Variants in RB1CC1 observed in about 807,000 individuals in gnomAD.
The protein encoded by RB1CC1 is RB1 inducible coiled-coil 1, also known as RB1-inducible coiled-coil protein 1.
Under a neutral mutation model 177.5 loss-of-function variants are expected in RB1CC1, and 46 were observed. The ratio of observed to expected loss-of-function variants is 0.26; its 90% CI spans 0.20 to 0.33. RB1CC1 has a LOEUF of 0.33. RB1CC1 is among the 10% of genes least tolerant of loss of function. The pLI, the probability that RB1CC1 is intolerant of heterozygous loss-of-function variation, is 1.00. For synonymous variants in RB1CC1, 666 were observed against 613.6 expected (o/e 1.09, Z -1.26); for missense variants, 1,703 against 1,816.3 (o/e 0.94, Z 1.13).
In RB1CC1 at chr8:52,674,092, T is replaced by C. The variant is rs1391449465; in HGVS notation, c.755A>G (p.Glu252Gly). 3 of 1,614,054 alleles carry C rather than the reference T, an allele frequency of 1.9e-6. No homozygotes were observed. The highest frequency in any genetic ancestry group is 2.2e-5 in the East Asian group (1 of 44,872). Residue 252 changes from glutamate to glycine, a missense_variant, in exon 7 of 24, where the codon GAA becomes GGA. Transcript: ENST00000025008. ...CTTGGGAAATGAGGTTAACAAAGAT[T>C]CGTTAGTTGTTCTAGGCATATCAGG... The part of the protein sequence containing the change: ...LSPDMPRTTN[E>G]SLLTSFPKSV...
intron 15 of RB1CC1, 66 bp downstream of exon 15, chr8:52,655,942 G>A (rs1325470343): frequency 3.2e-6 from 4 of 1,261,714 alleles, no homozygotes; most frequent in South Asian, 1.5e-5. Flanking sequence ...TCAAGGTACT[G>A]TGATTACACA....
intron 6 of RB1CC1, 34 bp from the exon 7 acceptor site, chr8:52,674,308 G>T: frequency 6.6e-7 from 1 of 1,507,138 alleles, no homozygotes; most frequent in South Asian, 1.1e-5. Context: ...GTAAAACTAT[G>T]AGACTGCTCT....
Position 52,686,961 on chromosome 8 carries a change from C to G in RB1CC1, c.-160G>C, listed in dbSNP as rs1325468800. On this transcript the variant is annotated 5_prime_UTR_variant, in exon 2 of 24. Coordinates refer to ENST00000025008, the MANE Select transcript of RB1CC1 (RefSeq NM_014781.5). ...ACTGAATGGCATTACTGGTTAAACT[C>G]AGAAAACTGGAAAAGAAAAATTTCT... 1.1e-5 allele frequency: 5 copies of G among 456,294 alleles called. No individual in the cohort carries two copies. The highest frequency in any genetic ancestry group is 2.2e-5 in the Non-Finnish European group (5 of 226,894). 28.3% of individuals were successfully genotyped at this position (456,294 alleles called of 1,614,324 possible).
rs1290258530 is a variant in RB1CC1, at chr8:52,683,530, A to G, written c.369+19T>C. 4 of 1,526,902 alleles carry G rather than the reference A, an allele frequency of 2.6e-6. No homozygotes were observed. Among genetic ancestry groups the G allele is most frequent in the Admixed American group, 2.2e-5 (1 of 46,308 alleles). 94.6% of individuals were successfully genotyped at this position (1,526,902 alleles called of 1,614,324 possible). A position where few individuals can be genotyped will look rare whatever the true frequency, so the allele number is the denominator to read the frequency against. On this transcript the variant is annotated intron_variant, in intron 5 of 23. Coordinates refer to ENST00000025008, the MANE Select transcript of RB1CC1 (RefSeq NM_014781.5). Reference sequence around the variant, plus strand: ...ATGCTTTTAGAAACAATCAGTTAAAATAATTGTTTATATCTTACCAATGCA... The same window carrying G: ...ATGCTTTTAGAAACAATCAGTTAAAGTAATTGTTTATATCTTACCAATGCA...
intron 16 of RB1CC1, among the ~76,000 whole-genome samples, chr8:52,643,982 G>T (rs139161949): frequency 6.6e-6 from 1 of 151,800 alleles, no homozygotes; most frequent in Admixed American, 6.6e-5. Flanking sequence ...CATACAGGAA[G>T]ATCTCTCAAA....
At chr8:52,703,131 T>G (rs931521463) in intron 1 of RB1CC1, among the ~76,000 whole-genome samples, 2 of 151,856 alleles carry the variant, frequency 1.3e-5, no homozygotes, top group African/African-American at 4.8e-5. Context: ...AAAAAAAAAG[T>G]AATCAACTTG....
rs895463590 is a variant in RB1CC1 at position 52,696,101 on chromosome 8, A to G, written c.-166-9134T>C. ...CTCTTGTCGCCCAGACTGGAGTGCAATGGCACAATCTCGGCTCACTGCAAC... is the reference window on the plus strand; with the variant it reads ...CTCTTGTCGCCCAGACTGGAGTGCAGTGGCACAATCTCGGCTCACTGCAAC... On this transcript the variant is annotated intron_variant, in intron 1 of 23. Transcript: ENST00000025008. Among the ~76,000 whole-genome samples, 8 of 152,234 alleles carry G rather than the reference A, an allele frequency of 5.3e-5. No individual in the cohort carries two copies. In the South Asian group the frequency reaches 1.5e-3, roughly 28 times the overall value.
intron 15 of RB1CC1, among the ~76,000 whole-genome samples, chr8:52,649,126 G>A (rs1001425007): frequency 2.0e-5 from 3 of 152,128 alleles, no homozygotes; most frequent in Non-Finnish European, 4.4e-5. Flanking sequence ...CACATAAAAC[G>A]AAACTAGACA....
chr8:52,703,982 A>C (rs1856330754), intron 1 of RB1CC1, among the ~76,000 whole-genome samples: 3 of 152,254 alleles, frequency 2.0e-5, no homozygotes, highest in Admixed American at 6.5e-5. Context: ...CCTATATGCT[A>C]TCAAAATAAC....
intron 1 of RB1CC1, among the ~76,000 whole-genome samples, chr8:52,700,381 G>A (rs981951110): frequency 2.7e-5 from 4 of 150,454 alleles, no homozygotes; most frequent in African/African-American, 7.4e-5. Flanking sequence ...AAATTATCCA[G>A]GTGTGGTGAC....
intron 1 of RB1CC1, among the ~76,000 whole-genome samples, 181 bp from the exon 2 acceptor site, chr8:52,687,148 C>T (rs1854344352): frequency 6.6e-6 from 1 of 152,098 alleles, no homozygotes; most frequent in African/African-American, 2.4e-5. Context: ...TCCATGGCAT[C>T]AAACAAAAGT....
chr8:52,690,323 A>T (rs1274506419), intron 1 of RB1CC1, among the ~76,000 whole-genome samples: 1 of 152,192 alleles, frequency 6.6e-6, no homozygotes, highest in African/African-American at 2.4e-5. Context: ...CATTCATCCA[A>T]ATCCAAAACA....
chr8:52,629,262 TCTTAA>T (rs1392795668), intron 21 of RB1CC1, among the ~76,000 whole-genome samples: 1 of 152,108 alleles, frequency 6.6e-6, no homozygotes, highest in Non-Finnish European at 1.5e-5. Flanking sequence ...AAATAAAGGG[TCTTAA>T]CTTTCACAAC....
At chr8:52,677,539 C>T (rs766431410) in intron 5 of RB1CC1, among the ~76,000 whole-genome samples, 2 of 152,092 alleles carry the variant, frequency 1.3e-5, no homozygotes, top group Non-Finnish European at 2.9e-5. Flanking sequence ...AGAATGTAAT[C>T]AAATAGAAGC....
chr8:52,703,117 T>TAA (rs1010819567), intron 1 of RB1CC1, among the ~76,000 whole-genome samples: 5 of 145,494 alleles, frequency 3.4e-5, no homozygotes, highest in East Asian at 2.0e-4. Flanking sequence ...TATCTTATAT[T>TAA]AAAAAAAAAA....
chr8:52,642,575 A>G lies in RB1CC1; in HGVS notation c.4113T>C (p.Leu1371=). 6.2e-7 allele frequency: 1 copy of G among 1,613,974 alleles called. No homozygotes were observed. Among genetic ancestry groups the G allele is most frequent in the Non-Finnish European group, 8.5e-7 (1 of 1,179,974 alleles). The change falls in exon 18 of 24, where the codon CTT becomes CTC. Residue 1371 remains leucine, a synonymous_variant. Coordinates refer to ENST00000025008, the MANE Select transcript of RB1CC1 (RefSeq NM_014781.5). ...QERDKDLIES[L]SEDRARLLEE... ...CAAGCAAACGAGCTCGATCTTCAGA[A>G]AGTGACTCTATCAAATCTGAAGGAC... is the stretch of plus-strand genomic sequence containing the variant.
rs1031791932 is a variant in RB1CC1 at position 52,622,829 on chromosome 8, C to T, written c.*953G>A. 3.3e-5 allele frequency: 5 copies of T among 152,038 alleles called. No homozygotes were observed. The highest frequency in any genetic ancestry group is 9.7e-5 in the African/African-American group (4 of 41,398). 9.4% of individuals were successfully genotyped at this position (152,038 alleles called of 1,614,324 possible). On this transcript the variant is annotated 3_prime_UTR_variant, in exon 24 of 24. Coordinates refer to ENST00000025008, the MANE Select transcript of RB1CC1 (RefSeq NM_014781.5). ...TATGATACATAACAATATTTTCACA[C>T]TTCCCAGCAATCACTCAAATATATT...
chr8:52,645,606 G>T, intron 16 of RB1CC1, 96 bp downstream of exon 16: 2 of 1,242,952 alleles, frequency 1.6e-6, no homozygotes, highest in Non-Finnish European at 2.2e-6. Flanking sequence ...TCACATCTAA[G>T]ATATAAGAAA....
At chr8:52,632,558 A>G (rs1848842588) in intron 20 of RB1CC1, among the ~76,000 whole-genome samples, 1 of 152,218 alleles carries the variant, frequency 6.6e-6, no homozygotes, top group Admixed American at 6.5e-5. Context: ...ATTACAAATG[A>G]AGACAATGGA....
Sources: allele counts gnomAD v4.1 joint callset (sites outside exome capture counted in the v4.1 genomes callset), GRCh38; gene constraint gnomAD v4.1.1; transcripts MANE v1.5; gene names NCBI Gene and HGNC (gene_info 2026-07-23, HGNC 2026-07-21).